C2orf78: variants seen among roughly 807,000 people sequenced by gnomAD.
The protein encoded by C2orf78 is chromosome 2 open reading frame 78.
C2orf78 carries 12 observed loss-of-function variants against 21.4 expected under a neutral mutation model. The ratio of observed to expected loss-of-function variants is 0.56; its 90% CI spans 0.36 to 0.91. The LOEUF (loss-of-function observed/expected upper bound fraction) is 0.91, where lower values mean the gene tolerates loss of function less well. C2orf78 is among the 40% of genes least tolerant of loss of function. The probability of loss-of-function intolerance (pLI) is 0.01; values close to 1 mark genes in which losing one functional copy is unlikely to be tolerated. For synonymous variants in C2orf78, 396 were observed against 413.9 expected, an observed-to-expected ratio of 0.96 and a Z score of 0.52; for missense variants, 1,042 against 1,092.4, an observed-to-expected ratio of 0.95 and a Z score of 0.65.
chr2:73,810,480 T>A (rs1415419158), intron 1 of C2orf78, among the ~76,000 whole-genome samples: 2 of 149,870 alleles, frequency 1.3e-5, no homozygotes, highest in Admixed American at 6.7e-5. Context: ...TGAGCCTAGA[T>A]CATGCCATTG....
chr2:73,810,907 TATATA>T (rs563008137), intron 1 of C2orf78, among the ~76,000 whole-genome samples: 2,345 of 141,346 alleles, frequency 0.017, 89 homozygotes, highest in African/African-American at 0.058. Flanking sequence ...ATGTATATTA[TATATA>T]ATATATGTAT....
rs150209228 is a variant in C2orf78 at position 73,812,600 on chromosome 2, A to C, written c.98-877A>C. On this transcript the variant is annotated intron_variant, in intron 1 of 2. Transcript: ENST00000409561. ...CAGATAATCTGATGTCAGGAGTTTG[A>C]GACCAGCCTGGTAAACATGGCAAAA... Among the ~76,000 whole-genome samples, 623 of 152,286 alleles carry C rather than the reference A, an allele frequency of 4.1e-3. 7 individuals carry two copies. The highest frequency in any genetic ancestry group is 0.014 in the African/African-American group (582 of 41,562).
At chr2:73,816,767 A>G in exon 3 of C2orf78, 3 of 1,613,960 alleles carry the variant, frequency 1.9e-6, no homozygotes, top group Non-Finnish European at 2.5e-6. Context: ...TTCTAATCCA[A>G]GACTTCAGCC....
intron 1 of C2orf78, among the ~76,000 whole-genome samples, chr2:73,784,906 T>C (rs1402105748): frequency 6.6e-6 from 1 of 151,310 alleles, no homozygotes; most frequent in Non-Finnish European, 1.5e-5. Flanking sequence ...CTCACACCTG[T>C]AATCTCAGCA....
exon 3 of C2orf78, chr2:73,815,665 A>T: frequency 3.1e-6 from 5 of 1,613,980 alleles, no homozygotes; most frequent in Non-Finnish European, 4.2e-6. Context: ...AGTGCCATCA[A>T]GGTAAATCAG....
chr2:73,816,996 C>A, exon 3 of C2orf78: 1 of 1,600,922 alleles, frequency 6.2e-7, no homozygotes, highest in Non-Finnish European at 8.5e-7. Context: ...AATCTAAGAG[C>A]TGAGATTGTT....
exon 2 of C2orf78, chr2:73,813,834 A>G: frequency 6.2e-7 from 1 of 1,614,018 alleles, no homozygotes; most frequent in Non-Finnish European, 8.5e-7. Context: ...GTCATTGATC[A>G]GAACACAGCT....
rs183450799 is a variant in C2orf78 at position 73,786,038 on chromosome 2, C to T, written c.97+1632C>T. On this transcript the variant is annotated intron_variant, in intron 1 of 2. Coordinates refer to ENST00000409561, the Ensembl canonical transcript of C2orf78. Reference sequence around the variant, plus strand: ...TCCAGCCTGGGCAATAAGAGGGAAACTCCGCTTCAAAAAGAAAAAAAAAGA... The same window carrying T: ...TCCAGCCTGGGCAATAAGAGGGAAATTCCGCTTCAAAAAGAAAAAAAAAGA... 2.2e-4 allele frequency among the ~76,000 whole-genome samples: 33 copies of T among 151,440 alleles called. 1 individual carries two copies. The highest frequency in any genetic ancestry group is 8.0e-4 in the African/African-American group (33 of 41,210).
exon 3 of C2orf78, chr2:73,815,277 C>G (rs868221514): frequency 6.2e-7 from 1 of 1,613,790 alleles, no homozygotes; most frequent in Middle Eastern, 1.6e-4. Context: ...GTCTCCAGCT[C>G]CAAGCCAGGA....
chr2:73,786,178 G>C (rs1211666606), intron 1 of C2orf78, among the ~76,000 whole-genome samples: 1 of 151,964 alleles, frequency 6.6e-6, no homozygotes, highest in African/African-American at 2.4e-5. Context: ...TCAGAAGTTG[G>C]AGACCAGCCT....
intron 1 of C2orf78, among the ~76,000 whole-genome samples, chr2:73,812,291 A>G (rs1360251167): frequency 6.6e-6 from 1 of 152,016 alleles, no homozygotes; most frequent in East Asian, 1.9e-4. Flanking sequence ...ACATACCCCA[A>G]TTTTCATTAA....
At position 73,784,534 on chromosome 2, in the gene C2orf78, C is replaced by G. The variant is rs568160500; in HGVS notation, c.97+128C>G. The G allele has an allele frequency of 3.2e-6, 2 of 633,842 alleles. 1 individual carries two copies. Among genetic ancestry groups the G allele is most frequent in the African/African-American group, 3.9e-5 (2 of 51,908 alleles). The allele number at this position is 633,842 out of a possible 1,614,324, so 39.3% of individuals were successfully genotyped here. On this transcript the variant is annotated intron_variant, in intron 1 of 2. Coordinates refer to ENST00000409561, the Ensembl canonical transcript of C2orf78. ...AAGTATTGAAGTAGAAATCCAGAGA[C>G]CTCATTTCAGTTTTGGCTTTGACAT...
At chr2:73,812,142 T>C (rs1291206614) in intron 1 of C2orf78, among the ~76,000 whole-genome samples, 1 of 152,178 alleles carries the variant, frequency 6.6e-6, no homozygotes, top group East Asian at 1.9e-4. Flanking sequence ...ATATGCTTGT[T>C]AGAAATTCAT....
exon 3 of C2orf78, chr2:73,815,171 T>A (rs774695264): frequency 2.5e-6 from 4 of 1,613,998 alleles, no homozygotes; most frequent in Non-Finnish European, 2.5e-6. Context: ...AGTCCTTCAG[T>A]AGCAGAAATA....
exon 3 of C2orf78, chr2:73,815,979 G>A (rs866875098): frequency 1.2e-6 from 2 of 1,613,978 alleles, no homozygotes; most frequent in Non-Finnish European, 1.7e-6. Flanking sequence ...GAAATCTGAA[G>A]AGAGTAAGCA....
In C2orf78 at chr2:73,811,565, A is replaced by C. The variant is rs554129241; in HGVS notation, c.98-1912A>C. 2.0e-5 allele frequency among the ~76,000 whole-genome samples: 3 copies of C among 152,342 alleles called. No individual in the cohort carries two copies. The South Asian group carries it at 6.2e-4, about 32-fold the overall frequency. On this transcript the variant is annotated intron_variant, in intron 1 of 2. Transcript: ENST00000409561. Reference sequence around the variant, plus strand: ...CCAAAAACAGAGTACCTACTGATTCATAATGGACTGCTTTTAGACCTAAGA... The same window carrying C: ...CCAAAAACAGAGTACCTACTGATTCCTAATGGACTGCTTTTAGACCTAAGA...
At chr2:73,808,718 G>A in intron 1 of C2orf78, 2 of 1,514,228 alleles carry the variant, frequency 1.3e-6, no homozygotes, top group Non-Finnish European at 8.8e-7. Context: ...AGAATCTTGG[G>A]GTTTCCTGGG....
rs1303900338 is a variant in C2orf78, at chr2:73,808,810, C to G, written c.98-4667C>G. 17 of 1,421,346 alleles carry G rather than the reference C, an allele frequency of 1.2e-5. No homozygotes were observed. In the South Asian group the frequency reaches 1.2e-4, roughly 10 times the overall value. The allele number at this position is 1,421,346 out of a possible 1,614,324, so 88.0% of individuals were successfully genotyped here. On this transcript the variant is annotated intron_variant, in intron 1 of 2. Transcript: ENST00000409561. Reference sequence around the variant, plus strand: ...GTGGCCTTCATACTGGACACATGCACTGGTTGGCTTCAGCCACCCAGACAT... The same window carrying G: ...GTGGCCTTCATACTGGACACATGCAGTGGTTGGCTTCAGCCACCCAGACAT...
chr2:73,807,977 C>T (rs913388827), intron 1 of C2orf78, among the ~76,000 whole-genome samples: 7 of 151,038 alleles, frequency 4.6e-5, no homozygotes, highest in African/African-American at 1.5e-4. Flanking sequence ...GCAGTAGGGC[C>T]GGGTGCGGTG....
Sources: allele counts gnomAD v4.1 joint callset (sites outside exome capture counted in the v4.1 genomes callset), GRCh38; gene constraint gnomAD v4.1.1; transcripts MANE v1.5; gene names NCBI Gene and HGNC (gene_info 2026-07-23, HGNC 2026-07-21).